SPON1: variants seen among roughly 807,000 people sequenced by gnomAD.
SPON1 encodes the protein spondin-1.
SPON1 carries 52 observed loss-of-function variants against 111.7 expected under a neutral mutation model. The observed-to-expected ratio is 0.47, with a 90% CI of 0.37 to 0.59. SPON1 has a LOEUF of 0.59. Ranked by LOEUF, SPON1 falls within the 20% of genes least tolerant of loss-of-function variation. The probability of loss-of-function intolerance (pLI) is 0.00; values close to 1 mark genes in which losing one functional copy is unlikely to be tolerated. For missense variants in SPON1, 957 were observed against 1,068.5 expected, an observed-to-expected ratio of 0.90 and a Z score of 1.46; for synonymous variants, 410 against 395.8, an observed-to-expected ratio of 1.04 and a Z score of -0.43.
chr11:14,077,080 T>C (rs551753364), intron 4 of SPON1, among the ~76,000 whole-genome samples: 3 of 152,334 alleles, frequency 2.0e-5, no homozygotes, highest in African/African-American at 7.2e-5. Context: ...GGATCACACA[T>C]TTCCAAGACA....
At position 14,259,353 on chromosome 11, in the gene SPON1, G is replaced by T; in HGVS notation, c.1566G>T (p.Arg522Ser). ...GCATCTCCTGCGGCATGGGCATGAGGTCCCGGGAGAGGTATGTGAAGCAGT... is the reference window on the plus strand; with the variant it reads ...GCATCTCCTGCGGCATGGGCATGAGTTCCCGGGAGAGGTATGTGAAGCAGT... ...PCSISCGMGM[R>S]SRERYVKQFP... The change falls in exon 12 of 16, where the codon AGG becomes AGT. Residue 522 changes from arginine (R) to serine (S), a missense_variant. Arg to Ser is a moderately radical substitution (Grantham distance 110). Transcript: ENST00000576479. The surrounding 1 kb of genome is among the most constrained non-coding windows in gnomAD (Gnocchi z 5.0). 1 of 1,612,976 alleles carries T rather than the reference G, an allele frequency of 6.2e-7. No individual in the cohort carries two copies.
chr11:14,064,347 G>A (rs1554920170), intron 3 of SPON1, among the ~76,000 whole-genome samples: 1 of 152,216 alleles, frequency 6.6e-6, no homozygotes, highest in African/African-American at 2.4e-5. Flanking sequence ...TCTGGTGGAG[G>A]GACAGGTCAC....
chr11:14,245,988 A>T (rs1445924833), intron 7 of SPON1, among the ~76,000 whole-genome samples: 2 of 152,248 alleles, frequency 1.3e-5, no homozygotes, highest in African/African-American at 2.4e-5. Context: ...GTCACCCTGA[A>T]TCTCCTTACT....
At chr11:14,190,267 G>A (rs1848331002) in intron 6 of SPON1, among the ~76,000 whole-genome samples, 2 of 152,146 alleles carry the variant, frequency 1.3e-5, no homozygotes, top group South Asian at 4.1e-4. Flanking sequence ...TTTCACTGTG[G>A]CTGCCAGGTT....
chr11:14,082,815 C>T (rs1848974069), intron 5 of SPON1, among the ~76,000 whole-genome samples: 2 of 152,222 alleles, frequency 1.3e-5, no homozygotes, highest in South Asian at 2.1e-4. Context: ...GATAACCATT[C>T]TCTATCATCA....
chr11:14,153,798 TAAA>T lies in SPON1; in HGVS notation c.825+18235_825+18237del, dbSNP rs528631238. 3.3e-5 allele frequency among the ~76,000 whole-genome samples: 5 copies of T among 151,992 alleles called. No homozygotes were observed. In the South Asian group the frequency reaches 1.0e-3, roughly 32 times the overall value. Reference sequence around the variant, plus strand: ...CCATTCTGCCTATGAGTGTGTAAAATAAAAAAACAAGTTAGCTACTTCCAAGAT... The same window carrying T: ...CCATTCTGCCTATGAGTGTGTAAAATAAAACAAGTTAGCTACTTCCAAGAT... On this transcript the variant is annotated intron_variant, in intron 6 of 15. Transcript: ENST00000576479.
chr11:14,147,016 CCT>C (rs1491164384), intron 6 of SPON1, among the ~76,000 whole-genome samples: 69 of 123,276 alleles, frequency 5.6e-4, no homozygotes, highest in African/African-American at 2.1e-3. Flanking sequence ...CATGAAAGAA[CCT>C]TTTTTTTTTT....
chr11:14,191,550 G>A (rs1554934557), intron 6 of SPON1, among the ~76,000 whole-genome samples: 1 of 152,196 alleles, frequency 6.6e-6, no homozygotes. Flanking sequence ...AGACAGCACG[G>A]ACTCTGACTT....
chr11:14,127,814 C>T (rs940232929), intron 5 of SPON1, among the ~76,000 whole-genome samples: 15 of 152,094 alleles, frequency 9.9e-5, no homozygotes, highest in African/African-American at 3.4e-4. Context: ...CTCACAGTTC[C>T]GCATGGCTGG....
rs560336030 is a variant in SPON1, at chr11:14,094,265, G to A, written c.676+14244G>A. Reference sequence around the variant, plus strand: ...TGGTACTTAAAGTCTTCCTCAACCCGTCTCCTTTCTTTGGAATTATTTCCT... The same window carrying A: ...TGGTACTTAAAGTCTTCCTCAACCCATCTCCTTTCTTTGGAATTATTTCCT... On this transcript the variant is annotated intron_variant, in intron 5 of 15. Transcript: ENST00000576479. Among the ~76,000 whole-genome samples, 5 of 150,188 alleles carry A rather than the reference G, an allele frequency of 3.3e-5. No homozygotes were observed. In the South Asian group the frequency reaches 6.4e-4, roughly 19 times the overall value.
At chr11:14,088,526 G>T (rs1045711391) in intron 5 of SPON1, among the ~76,000 whole-genome samples, 6 of 152,078 alleles carry the variant, frequency 3.9e-5, no homozygotes, top group Non-Finnish European at 5.9e-5. Context: ...GCTTCCCTTT[G>T]TGGGTAACCT....
chr11:14,162,566 A>G (rs1554931492), intron 6 of SPON1, among the ~76,000 whole-genome samples: 1 of 152,200 alleles, frequency 6.6e-6, no homozygotes, highest in African/African-American at 2.4e-5. Context: ...GAGTTTTACA[A>G]CTTTTCCCAA....
chr11:14,238,100 G>A (rs1172798232), intron 6 of SPON1, among the ~76,000 whole-genome samples: 1 of 152,200 alleles, frequency 6.6e-6, no homozygotes, highest in South Asian at 2.1e-4. Context: ...ATCAGATGCT[G>A]TCTATTAGGC....
chr11:14,247,769 G>T (rs781836295), intron 7 of SPON1, among the ~76,000 whole-genome samples: 1 of 152,234 alleles, frequency 6.6e-6, no homozygotes, highest in African/African-American at 2.4e-5. Context: ...ATGAAGTTCA[G>T]TGGGAAAGAT....
chr11:14,223,340 G>A (rs1285230113), intron 6 of SPON1, among the ~76,000 whole-genome samples: 2 of 152,102 alleles, frequency 1.3e-5, no homozygotes, highest in Non-Finnish European at 2.9e-5. Context: ...CTCCAGCCTG[G>A]GCGATAGAGT....
At chr11:14,248,166 G>T (rs1554940385) in intron 7 of SPON1, among the ~76,000 whole-genome samples, 3 of 152,060 alleles carry the variant, frequency 2.0e-5, no homozygotes, top group Admixed American at 2.0e-4. Context: ...AAGCCCTTTG[G>T]GTTTATCGAC....
At chr11:14,261,436 T>TAACCTTCAGCCGATGACTC (rs1849181545) in intron 14 of SPON1, among the ~76,000 whole-genome samples, 1 of 152,172 alleles carries the variant, frequency 6.6e-6, no homozygotes, top group African/African-American at 2.4e-5. Flanking sequence ...CCCTAGCTAG[T>TAACCTTCAGCCGATGACTC]AACCTTCAGC....
rs555059823 is a variant in SPON1 at position 14,073,767 on chromosome 11, G to A, written c.480-1578G>A. On this transcript the variant is annotated intron_variant, in intron 3 of 15. Coordinates refer to ENST00000576479, the MANE Select transcript of SPON1 (RefSeq NM_006108.4). ...ACTATGCTGTAAACTTTGAGAATGG[G>A]TAGTGTGGCCCCATCTGGCTTGTTT... Among the ~76,000 whole-genome samples the A allele has an allele frequency of 3.2e-4, 48 of 152,334 alleles. No individual in the cohort carries two copies. In the South Asian group the frequency reaches 6.6e-3, roughly 21 times the overall value.
chr11:14,160,971 A>G (rs1486904929), intron 6 of SPON1, among the ~76,000 whole-genome samples: 90 of 36,726 alleles, frequency 2.5e-3, no homozygotes, highest in East Asian at 6.3e-3. Context: ...ATTTATATAT[A>G]TTTTTATATA....
Sources: allele counts gnomAD v4.1 joint callset (sites outside exome capture counted in the v4.1 genomes callset), GRCh38; gene constraint gnomAD v4.1.1; non-coding constraint Gnocchi (gnomAD v3.1); transcripts MANE v1.5; gene names NCBI Gene and HGNC (gene_info 2026-07-23, HGNC 2026-07-21).